Variants in SNTG1 observed in about 807,000 individuals in gnomAD.
The protein encoded by SNTG1 is gamma-1-syntrophin.
A neutral mutation model predicts 74.7 loss-of-function variants in SNTG1; 39 were observed. The ratio of observed to expected loss-of-function variants is 0.52; its 90% confidence interval spans 0.40 to 0.68. The LOEUF is 0.68. Ranked by LOEUF, SNTG1 falls within the 30% of genes least tolerant of loss-of-function variation. The pLI, the probability that SNTG1 is intolerant of heterozygous loss-of-function variation, is 0.00. For missense variants in SNTG1, 685 were observed against 609.5 expected, an observed-to-expected ratio of 1.12 and a Z score of -1.30; for synonymous variants, 254 against 217.1, an observed-to-expected ratio of 1.17 and a Z score of -1.49.
intron 1 of SNTG1, among the ~76,000 whole-genome samples, chr8:50,008,509 A>G (rs2130536274): frequency 6.6e-6 from 1 of 152,264 alleles, no homozygotes; most frequent in South Asian, 2.1e-4. Context: ...ATCATTAGGA[A>G]TGTGATATGT....
chr8:50,454,884 C>A lies in SNTG1; in HGVS notation c.363+4155C>A, dbSNP rs76448249. Among the ~76,000 whole-genome samples the A allele has an allele frequency of 9.5e-3, 1,393 of 146,808 alleles. 23 individuals are homozygous for A. The highest frequency in any genetic ancestry group is 0.034 in the African/African-American group (1,349 of 40,132). On this transcript the variant is annotated intron_variant, in intron 8 of 18. Coordinates refer to ENST00000642720, the MANE Select transcript of SNTG1 (RefSeq NM_018967.5). ...CTGAGTGCCATCTATGTGAAAAGCACTGAGACTGAGTACTTTCTGAGGCTG... is the reference window on the plus strand; with the variant it reads ...CTGAGTGCCATCTATGTGAAAAGCAATGAGACTGAGTACTTTCTGAGGCTG...
At chr8:50,732,153 G>A (rs1207108495) in intron 17 of SNTG1, among the ~76,000 whole-genome samples, 2 of 151,850 alleles carry the variant, frequency 1.3e-5, no homozygotes, top group African/African-American at 2.4e-5. Context: ...AGTTTTTAAA[G>A]TCTGTTCACT....
At chr8:50,721,590 A>C (rs796125628) in intron 17 of SNTG1, among the ~76,000 whole-genome samples, 7 of 152,290 alleles carry the variant, frequency 4.6e-5, no homozygotes, top group African/African-American at 1.7e-4. Context: ...TAGCAATAAG[A>C]GTTTATTTAT....
chr8:50,263,753 G>A (rs1164652348), intron 2 of SNTG1, among the ~76,000 whole-genome samples: 3 of 152,168 alleles, frequency 2.0e-5, no homozygotes, highest in Non-Finnish European at 4.4e-5. Context: ...TTTCACAATA[G>A]TAGCTGGAGA....
At chr8:50,501,425 GTTTTTTTTTTTTTTT>G (rs59123896) in intron 8 of SNTG1, among the ~76,000 whole-genome samples, 2 of 57,098 alleles carry the variant, frequency 3.5e-5, no homozygotes, top group East Asian at 5.5e-4. Flanking sequence ...GAGCCTGTGC[GTTTTTTTTTTTTTTT>G]TTTTTTTTTT....
intron 1 of SNTG1, among the ~76,000 whole-genome samples, chr8:50,028,646 C>T (rs975984213): frequency 4.0e-5 from 6 of 151,894 alleles, no homozygotes; most frequent in South Asian, 2.1e-4. Context: ...TGCTAGATGA[C>T]GAGTTAGTGG....
chr8:50,201,601 C>A (rs2083989598), intron 2 of SNTG1, among the ~76,000 whole-genome samples: 1 of 152,048 alleles, frequency 6.6e-6, no homozygotes, highest in Admixed American at 6.6e-5. Flanking sequence ...CTAGAATTAG[C>A]CATTTCTCTA....
At chr8:50,562,574 G>A (rs948299562) in intron 12 of SNTG1, among the ~76,000 whole-genome samples, 9 of 152,118 alleles carry the variant, frequency 5.9e-5, no homozygotes, top group African/African-American at 2.2e-4. Context: ...TAGGACTTAT[G>A]ACCTACAGAA....
At chr8:50,669,676 C>A (rs1274781414) in intron 15 of SNTG1, among the ~76,000 whole-genome samples, 1 of 152,194 alleles carries the variant, frequency 6.6e-6, no homozygotes, top group Non-Finnish European at 1.5e-5. Flanking sequence ...AGGGAATCCT[C>A]CCTAACTCAT....
chr8:50,121,257 G>A (rs1262957079), intron 1 of SNTG1, among the ~76,000 whole-genome samples: 1 of 141,344 alleles, frequency 7.1e-6, no homozygotes, highest in African/African-American at 2.6e-5. Flanking sequence ...GGCTATTTCT[G>A]TGAACTTAGA....
At chr8:50,248,875 T>C (rs1328450996) in intron 2 of SNTG1, among the ~76,000 whole-genome samples, 1 of 152,158 alleles carries the variant, frequency 6.6e-6, no homozygotes, top group Non-Finnish European at 1.5e-5. Context: ...ACTTTACAAA[T>C]AAAATGTTAT....
At chr8:50,716,346 A>T (rs1009675018) in intron 17 of SNTG1, among the ~76,000 whole-genome samples, 6 of 152,150 alleles carry the variant, frequency 3.9e-5, no homozygotes, top group African/African-American at 1.4e-4. Context: ...TCTTCACTAT[A>T]CAAGTTATAA....
intron 2 of SNTG1, among the ~76,000 whole-genome samples, chr8:50,375,326 C>T (rs535283212): frequency 6.6e-6 from 1 of 152,046 alleles, no homozygotes; most frequent in East Asian, 1.9e-4. Context: ...GGCAATGGGA[C>T]ATGCACAGGA....
At chr8:50,154,217 G>T (rs1352918031) in intron 1 of SNTG1, among the ~76,000 whole-genome samples, 1 of 152,152 alleles carries the variant, frequency 6.6e-6, no homozygotes. Flanking sequence ...GTGGGTGTGG[G>T]ACCCCCCAAG....
At chr8:49,971,296 G>T (rs1181038181) in intron 1 of SNTG1, among the ~76,000 whole-genome samples, 2 of 152,078 alleles carry the variant, frequency 1.3e-5, no homozygotes, top group Non-Finnish European at 2.9e-5. Flanking sequence ...TGCAGAAAAG[G>T]CCTTTGAAAA....
intron 1 of SNTG1, among the ~76,000 whole-genome samples, chr8:49,996,452 C>T (rs557467283): frequency 7.8e-4 from 118 of 152,124 alleles, no homozygotes; most frequent in African/African-American, 2.8e-3. Context: ...CTTGCCTTCT[C>T]CTTTTCCTTC....
intron 4 of SNTG1, among the ~76,000 whole-genome samples, chr8:50,431,351 C>T (rs1485858192): frequency 6.6e-6 from 1 of 152,174 alleles, no homozygotes; most frequent in African/African-American, 2.4e-5. Context: ...CATGCAGAAT[C>T]TCCATGTCTT....
chr8:49,967,275 T>A (rs1811227799), intron 1 of SNTG1, among the ~76,000 whole-genome samples: 1 of 152,204 alleles, frequency 6.6e-6, no homozygotes, highest in Non-Finnish European at 1.5e-5. Context: ...TTGGAGTCTG[T>A]CCTCTTAGCA....
At chr8:49,984,496 C>A (rs942159108) in intron 1 of SNTG1, among the ~76,000 whole-genome samples, 4 of 152,084 alleles carry the variant, frequency 2.6e-5, no homozygotes, top group Admixed American at 2.0e-4. Context: ...TGAGCCACTG[C>A]GCCCAGCCTA....
Sources: allele counts gnomAD v4.1 joint callset (sites outside exome capture counted in the v4.1 genomes callset), GRCh38; gene constraint gnomAD v4.1.1; transcripts MANE v1.5; gene names NCBI Gene and HGNC (gene_info 2026-07-23, HGNC 2026-07-21).